Variants in CDH13 observed in about 807,000 individuals in gnomAD.
CDH13 encodes cadherin-13.
In CDH13, 24 loss-of-function variants were observed where a neutral mutation model predicts 63.8. The observed-to-expected ratio is 0.38, with a 90% CI of 0.27 to 0.53. The LOEUF (loss-of-function observed/expected upper bound fraction) is 0.53. Among genes scored for constraint, CDH13 ranks in the 20% least tolerant of loss-of-function variants. The pLI, the probability that CDH13 is intolerant of heterozygous loss-of-function variation, is 0.85. For missense variants in CDH13, 1,049 were observed against 903.1 expected (o/e 1.16, Z -2.07); for synonymous variants, 503 against 355.3 (o/e 1.42, Z -4.67).
chr16:82,865,737 C>T (rs752308395), intron 2 of CDH13, among the ~76,000 whole-genome samples: 20 of 152,310 alleles, frequency 1.3e-4, no homozygotes, highest in Admixed American at 3.9e-4. Context: ...ATTGACTTGG[C>T]GATTAACATT....
chr16:83,767,376 G>A (rs1914465539), intron 11 of CDH13, among the ~76,000 whole-genome samples: 1 of 152,154 alleles, frequency 6.6e-6, no homozygotes. Flanking sequence ...AGATCTGATA[G>A]TTATATAAAC....
intron 8 of CDH13, among the ~76,000 whole-genome samples, chr16:83,631,513 C>T (rs1023917558): frequency 8.5e-5 from 13 of 152,130 alleles, no homozygotes; most frequent in African/African-American, 2.9e-4. Context: ...CTCCTGATCT[C>T]GGGAAGATCC....
At chr16:82,944,081 C>T (rs538276210) in intron 2 of CDH13, among the ~76,000 whole-genome samples, 1 of 152,282 alleles carries the variant, frequency 6.6e-6, no homozygotes, top group African/African-American at 2.4e-5. Flanking sequence ...TAGGAAATAA[C>T]CCAATTCATT....
chr16:83,040,120 C>T (rs536641238), intron 3 of CDH13, among the ~76,000 whole-genome samples: 1 of 152,012 alleles, frequency 6.6e-6, no homozygotes, highest in East Asian at 2.0e-4. Flanking sequence ...GCCAGACCAC[C>T]TTGGCATGAA....
At chr16:83,567,718 C>T (rs1253066411) in intron 7 of CDH13, among the ~76,000 whole-genome samples, 1 of 152,174 alleles carries the variant, frequency 6.6e-6, no homozygotes, top group Admixed American at 6.5e-5. Context: ...GTCTCAGCCT[C>T]CTGAATAGCT....
intron 1 of CDH13, among the ~76,000 whole-genome samples, chr16:82,815,890 G>A (rs1597684112): frequency 6.6e-6 from 1 of 152,152 alleles, no homozygotes; most frequent in Admixed American, 6.5e-5. Flanking sequence ...GATGACTGTT[G>A]GGGAAACGGA....
intron 1 of CDH13, among the ~76,000 whole-genome samples, chr16:82,672,796 C>T (rs1398537209): frequency 6.8e-6 from 1 of 146,708 alleles, no homozygotes; most frequent in African/African-American, 2.6e-5. Context: ...CACACACACA[C>T]ACACATACAC....
At chr16:83,786,554 GTCTT>G (rs1915894532) in intron 13 of CDH13, among the ~76,000 whole-genome samples, 1 of 150,372 alleles carries the variant, frequency 6.7e-6, no homozygotes, top group Non-Finnish European at 1.5e-5. Context: ...TCTTTCCTTT[GTCTT>G]TCTTTTCTTT....
chr16:82,926,343 A>C (rs2042304279), intron 2 of CDH13, among the ~76,000 whole-genome samples: 1 of 151,920 alleles, frequency 6.6e-6, no homozygotes, highest in Non-Finnish European at 1.5e-5. Flanking sequence ...CTCTTGCATG[A>C]GGCTTTTAAA....
At chr16:83,292,513 A>T (rs2089489381) in intron 5 of CDH13, among the ~76,000 whole-genome samples, 1 of 152,086 alleles carries the variant, frequency 6.6e-6, no homozygotes, top group Admixed American at 6.5e-5. Flanking sequence ...AGCGACAAAA[A>T]GTGTAGAGCC....
At chr16:83,481,273 G>A (rs1316349149) in intron 6 of CDH13, among the ~76,000 whole-genome samples, 1 of 152,184 alleles carries the variant, frequency 6.6e-6, no homozygotes, top group East Asian at 1.9e-4. Flanking sequence ...TATAGGAATA[G>A]CATTTTGTAA....
chr16:82,880,830 A>G (rs2040677865), intron 2 of CDH13, among the ~76,000 whole-genome samples: 1 of 152,196 alleles, frequency 6.6e-6, no homozygotes, highest in African/African-American at 2.4e-5. Flanking sequence ...GAAAATTTAG[A>G]TACAACTCCT....
At chr16:83,134,942 A>T (rs1014396641) in intron 4 of CDH13, among the ~76,000 whole-genome samples, 1 of 152,182 alleles carries the variant, frequency 6.6e-6, no homozygotes, top group African/African-American at 2.4e-5. Flanking sequence ...TCTCCATTTT[A>T]AAGGTTCCTA....
intron 2 of CDH13, among the ~76,000 whole-genome samples, chr16:82,862,490 G>A (rs1224148700): frequency 1.3e-5 from 2 of 152,176 alleles, no homozygotes; most frequent in African/African-American, 2.4e-5. Context: ...TATTAGCAGG[G>A]GATGAGTGCA....
chr16:83,052,770 T>C (rs8053765), intron 3 of CDH13, among the ~76,000 whole-genome samples: 112,790 of 120,684 alleles, frequency 0.93, 52,658 homozygotes, highest in East Asian at 1. Flanking sequence ...GGGCGAGACT[T>C]TATCTCAAAA....
intron 4 of CDH13, among the ~76,000 whole-genome samples, chr16:83,139,638 TTTC>T (rs1396936194): frequency 2.6e-5 from 4 of 152,230 alleles, no homozygotes; most frequent in African/African-American, 9.6e-5. Flanking sequence ...ATCACTTTTT[TTTC>T]TTATTATAAG....
intron 3 of CDH13, among the ~76,000 whole-genome samples, chr16:83,083,858 C>A (rs1427034589): frequency 2.0e-5 from 3 of 152,166 alleles, no homozygotes; most frequent in African/African-American, 7.2e-5. Context: ...ACCCATTTGC[C>A]TATCCCAAGT....
chr16:83,029,137 T>G (rs1916078953), intron 2 of CDH13, among the ~76,000 whole-genome samples: 1 of 152,232 alleles, frequency 6.6e-6, no homozygotes, highest in African/African-American at 2.4e-5. Flanking sequence ...ATGTGGAAAG[T>G]GCTCAATCTG....
chr16:83,781,521 G>T (rs527890998), intron 12 of CDH13, among the ~76,000 whole-genome samples: 10 of 152,124 alleles, frequency 6.6e-5, no homozygotes, highest in African/African-American at 2.4e-4. Context: ...CATATCTATT[G>T]TTATAGCCCT....
Sources: allele counts gnomAD v4.1 joint callset (sites outside exome capture counted in the v4.1 genomes callset), GRCh38; gene constraint gnomAD v4.1.1; transcripts MANE v1.5; gene names NCBI Gene and HGNC (gene_info 2026-07-23, HGNC 2026-07-21).